The following CALN1 variants were observed in gnomAD, a reference collection of about 807,000 sequenced individuals.
The protein encoded by CALN1 is calneuron 1, also known as calcium-binding protein 8.
CALN1 carries 17 observed loss-of-function variants against 30.6 expected under a neutral mutation model. That is an observed-to-expected ratio of 0.56 (90% confidence interval 0.38 to 0.83). CALN1 has a LOEUF of 0.83. Among genes scored for constraint, CALN1 ranks in the 40% least tolerant of loss-of-function variants. CALN1 has a pLI of 0.00. For synonymous variants in CALN1, 156 were observed against 131.4 expected, an observed-to-expected ratio of 1.19 and a Z score of -1.28; for missense variants, 291 against 354.9, an observed-to-expected ratio of 0.82 and a Z score of 1.45.
At chr7:72,016,998 CAAAAAAAAAAAA>C (rs754201004) in intron 5 of CALN1, among the ~76,000 whole-genome samples, 3 of 31,964 alleles carry the variant, frequency 9.4e-5, no homozygotes, top group African/African-American at 4.5e-4. Flanking sequence ...ACTAAAAATA[CAAAAAAAAAAAA>C]AAAAAAAGCT....
chr7:72,110,951 G>T (rs751853459), intron 3 of CALN1, among the ~76,000 whole-genome samples: 40 of 152,098 alleles, frequency 2.6e-4, no homozygotes, highest in Admixed American at 4.6e-4. Context: ...AGTGGGCTTT[G>T]GCCACTTTCC....
chr7:71,979,121 T>C lies in CALN1; in HGVS notation c.501+44536A>G, dbSNP rs114127864. Among the ~76,000 whole-genome samples, 202 of 152,226 alleles carry C rather than the reference T, an allele frequency of 1.3e-3. 1 individual carries two copies. The highest frequency in any genetic ancestry group is 4.5e-3 in the African/African-American group (188 of 41,546). On this transcript the variant is annotated intron_variant, in intron 5 of 6. Transcript: ENST00000395275. ...GCTAAGGGGTCCTCCCCTATAATTT[T>C]ATGCAGATGACACTGTGTCCTCTGA...
intron 5 of CALN1, among the ~76,000 whole-genome samples, chr7:71,939,441 C>T (rs1286049078): frequency 1.2e-4 from 18 of 149,262 alleles, no homozygotes; most frequent in Admixed American, 1.1e-3. Flanking sequence ...GGCATGGTGG[C>T]GGGCACCTGT....
chr7:72,015,937 G>A lies in CALN1; in HGVS notation c.501+7720C>T, dbSNP rs561888966. ...GACATCACTGCTGAAAACTATTAAG[G>A]TTCCATTAGATGATTAAGAATGGAA... On this transcript the variant is annotated intron_variant, in intron 5 of 6. Coordinates refer to ENST00000395275, the MANE Select transcript of CALN1 (RefSeq NM_031468.4). Among the ~76,000 whole-genome samples the A allele has an allele frequency of 1.4e-4, 22 of 152,116 alleles. No individual in the cohort carries two copies. The South Asian group carries it at 1.9e-3, about 13-fold the overall frequency.
intron 5 of CALN1, among the ~76,000 whole-genome samples, chr7:71,989,378 G>A (rs959981150): frequency 6.6e-6 from 1 of 151,798 alleles, no homozygotes; most frequent in Non-Finnish European, 1.5e-5. Context: ...GCGGAGGTTT[G>A]CAGTGAGCAG....
intron 4 of CALN1, among the ~76,000 whole-genome samples, chr7:72,053,332 C>G (rs1802960570): frequency 6.6e-6 from 1 of 152,208 alleles, no homozygotes; most frequent in South Asian, 2.1e-4. Context: ...TATGCAGATT[C>G]ATAGACACTC....
chr7:71,803,294 G>A (rs1787413747), intron 6 of CALN1, among the ~76,000 whole-genome samples: 1 of 152,066 alleles, frequency 6.6e-6, no homozygotes, highest in African/African-American at 2.4e-5. Context: ...ATTTTCCATC[G>A]GGAAGCCAGG....
chr7:72,261,403 T>G (rs1022616251), intron 3 of CALN1, among the ~76,000 whole-genome samples: 1 of 149,042 alleles, frequency 6.7e-6, no homozygotes, highest in Non-Finnish European at 1.5e-5. Context: ...TCACCTGCAG[T>G]CCTGAAACCA....
intron 1 of CALN1, among the ~76,000 whole-genome samples, chr7:72,410,577 T>C (rs1807054867): frequency 6.6e-6 from 1 of 152,222 alleles, no homozygotes; most frequent in South Asian, 2.1e-4. Context: ...ATCAGCTCAA[T>C]TCTTCTGCAA....
rs58996469 is a variant in CALN1 at position 72,054,402 on chromosome 7, C to CAT, written c.389-30635_389-30634dup. ...TATGCTTGTTGGCTGCATATATGTA[C>CAT]ATATATATATATATACGTGTATATA... On this transcript the variant is annotated intron_variant, in intron 4 of 6. Coordinates refer to ENST00000395275, the MANE Select transcript of CALN1 (RefSeq NM_031468.4). 5.2e-4 allele frequency among the ~76,000 whole-genome samples: 52 copies of CAT among 100,182 alleles called. 5 individuals carry two copies. Among genetic ancestry groups the CAT allele is most frequent in the South Asian group, 1.6e-3 (3 of 1,912 alleles). 65.7% of individuals were successfully genotyped at this position (100,182 alleles called of 152,430 possible).
rs184059264 is a variant in CALN1, at chr7:72,261,901, C to T, written c.244+16785G>A. Among the ~76,000 whole-genome samples the T allele has an allele frequency of 8.5e-4, 129 of 152,240 alleles. 1 individual carries two copies. Among genetic ancestry groups the T allele is most frequent in the Admixed American group, 5.2e-3 (80 of 15,276 alleles). On this transcript the variant is annotated intron_variant, in intron 3 of 6. Transcript: ENST00000395275. The stretch of plus-strand genomic sequence containing the variant: ...GTTAACCAGATGACGTTAGGGAAAC[C>T]GCAAGAGGAGTGAGAATAATCAGGG...
At chr7:72,039,457 CAA>C (rs1801994449) in intron 4 of CALN1, among the ~76,000 whole-genome samples, 2 of 152,222 alleles carry the variant, frequency 1.3e-5, no homozygotes, top group African/African-American at 4.8e-5. Context: ...CTTAAGGAAT[CAA>C]AAGTCATCCA....
chr7:71,792,040 G>A (rs540311707), intron 6 of CALN1, among the ~76,000 whole-genome samples: 11 of 152,216 alleles, frequency 7.2e-5, no homozygotes, highest in African/African-American at 2.4e-4. Flanking sequence ...CATTGAGCAG[G>A]AAGGTTTCTC....
chr7:72,198,760 A>G (rs1190780074), intron 3 of CALN1, among the ~76,000 whole-genome samples: 1 of 152,212 alleles, frequency 6.6e-6, no homozygotes, highest in Non-Finnish European at 1.5e-5. Flanking sequence ...TTTGCACACT[A>G]TATGATCAAT....
At chr7:71,947,162 C>T (rs1483283233) in intron 5 of CALN1, among the ~76,000 whole-genome samples, 1 of 152,074 alleles carries the variant, frequency 6.6e-6, no homozygotes, top group East Asian at 1.9e-4. Flanking sequence ...AGGCACCCAC[C>T]ACCACGCCTG....
chr7:71,917,431 A>G (rs1262710022), intron 5 of CALN1, among the ~76,000 whole-genome samples: 3 of 152,246 alleles, frequency 2.0e-5, no homozygotes, highest in Non-Finnish European at 4.4e-5. Flanking sequence ...CTCGCCCTAC[A>G]TGCATACGAA....
intron 4 of CALN1, among the ~76,000 whole-genome samples, chr7:72,026,931 T>C (rs1489877682): frequency 3.3e-5 from 5 of 152,152 alleles, no homozygotes; most frequent in African/African-American, 9.7e-5. Context: ...TTGTTACATT[T>C]GTGCAGTAAC....
intron 3 of CALN1, among the ~76,000 whole-genome samples, chr7:72,204,479 T>C (rs369499180): frequency 2.4e-4 from 37 of 152,324 alleles, no homozygotes; most frequent in East Asian, 7.7e-4. Flanking sequence ...AACCCGATCA[T>C]TGAATTTTTT....
chr7:71,922,456 T>C (rs1258048040), intron 5 of CALN1, among the ~76,000 whole-genome samples: 1 of 146,528 alleles, frequency 6.8e-6, no homozygotes, highest in South Asian at 2.1e-4. Context: ...TATTTATTTA[T>C]ATTTACATAT....
Sources: allele counts gnomAD v4.1 joint callset (sites outside exome capture counted in the v4.1 genomes callset), GRCh38; gene constraint gnomAD v4.1.1; transcripts MANE v1.5; gene names NCBI Gene and HGNC (gene_info 2026-07-23, HGNC 2026-07-21).